COMMD7: variants seen among roughly 807,000 people sequenced by gnomAD.
COMMD7 encodes the protein COMM domain containing 7.
A neutral mutation model predicts 34.8 loss-of-function variants in COMMD7; 28 were observed. That is an observed-to-expected ratio of 0.80 (90% CI 0.60 to 1.10). The LOEUF is 1.10. COMMD7 is among the 50% of genes least tolerant of loss of function. The pLI, the probability that COMMD7 is intolerant of heterozygous loss-of-function variation, is 0.00. For missense variants in COMMD7, 211 were observed against 241.6 expected, an observed-to-expected ratio of 0.87 and a Z score of 0.84; for synonymous variants, 80 against 86.4, an observed-to-expected ratio of 0.93 and a Z score of 0.41.
chr20:32,728,199 C>T, intron 1 of COMMD7, 57 bp from the exon 2 acceptor site: 1 of 1,552,544 alleles, frequency 6.4e-7, no homozygotes. Context: ...GTCAGCATGC[C>T]CCACCCCAGG....
intron 3 of COMMD7, among the ~76,000 whole-genome samples, chr20:32,707,282 T>TA (rs1984147854): frequency 1.3e-5 from 1 of 78,236 alleles, no homozygotes; most frequent in Non-Finnish European, 3.3e-5. Context: ...AGACTCCGTC[T>TA]CAAAAAAAAA....
intron 3 of COMMD7, among the ~76,000 whole-genome samples, chr20:32,707,402 C>T (rs1363615971): frequency 2.0e-5 from 3 of 151,350 alleles, no homozygotes; most frequent in Non-Finnish European, 2.9e-5. Flanking sequence ...TCACTGCAAC[C>T]TACACCTCCT....
intron 1 of COMMD7, among the ~76,000 whole-genome samples, chr20:32,732,708 C>T (rs1318482183): frequency 2.0e-5 from 3 of 151,872 alleles, no homozygotes; most frequent in African/African-American, 4.8e-5. Flanking sequence ...GGGTGGATCA[C>T]GAGGTCATGA....
chr20:32,709,596 C>T (rs1984305085), intron 3 of COMMD7, among the ~76,000 whole-genome samples: 1 of 152,114 alleles, frequency 6.6e-6, no homozygotes, highest in African/African-American at 2.4e-5. Context: ...TCAGGTCAGA[C>T]CATGCTATTT....
At chr20:32,742,018 T>A (rs779231423) in intron 1 of COMMD7, among the ~76,000 whole-genome samples, 11 of 151,960 alleles carry the variant, frequency 7.2e-5, no homozygotes, top group Non-Finnish European at 1.2e-4. Flanking sequence ...TCAAACCCCA[T>A]CTCTACTAAA....
At chr20:32,705,175 C>T (rs997451796) in intron 5 of COMMD7, among the ~76,000 whole-genome samples, 2 of 151,828 alleles carry the variant, frequency 1.3e-5, no homozygotes, top group African/African-American at 2.4e-5. Flanking sequence ...ATCATACTGG[C>T]CCCCACATGG....
Position 32,704,123 on chromosome 20 carries a change from A to G in COMMD7, c.478-52T>C, listed in dbSNP as rs1343387641. The G allele has an allele frequency of 2.8e-6, 4 of 1,412,094 alleles. No homozygotes were observed. The South Asian group carries it at 4.0e-5, about 14-fold the overall frequency. 87.5% of individuals were successfully genotyped at this position (1,412,094 alleles called of 1,614,324 possible). A position where few individuals can be genotyped will look rare whatever the true frequency, so the allele number is the denominator to read the frequency against. On this transcript the variant is annotated intron_variant, in intron 7 of 8. Coordinates refer to ENST00000278980, the MANE Select transcript of COMMD7 (RefSeq NM_053041.3). Reference sequence around the variant, plus strand: ...AATTAAAATGATGACAACTGGGCAAAGAAATTCTTAAAACCCTTTGACTTA... The same window carrying G: ...AATTAAAATGATGACAACTGGGCAAGGAAATTCTTAAAACCCTTTGACTTA...
chr20:32,732,462 A>G (rs1000982929), intron 1 of COMMD7, among the ~76,000 whole-genome samples: 5 of 152,098 alleles, frequency 3.3e-5, no homozygotes, highest in African/African-American at 1.2e-4. Context: ...TCCTTTAGGT[A>G]TGTTCCAAAA....
intron 1 of COMMD7, among the ~76,000 whole-genome samples, chr20:32,741,247 C>A (rs369410448): frequency 6.6e-6 from 1 of 152,004 alleles, no homozygotes; most frequent in Non-Finnish European, 1.5e-5. Context: ...CACTATGCTG[C>A]CCAGGCTGGA....
intron 3 of COMMD7, among the ~76,000 whole-genome samples, chr20:32,709,494 T>A (rs1600968609): frequency 6.6e-6 from 1 of 151,024 alleles, no homozygotes; most frequent in South Asian, 2.1e-4. Context: ...GAGGTTGCCG[T>A]GAGCCGAGAT....
At chr20:32,707,317 C>A in intron 3 of COMMD7, among the ~76,000 whole-genome samples, 1 of 128,936 alleles carries the variant, frequency 7.8e-6, no homozygotes. Context: ...ATACTTATCT[C>A]AAAATATATA....
At chr20:32,704,218 C>G (rs756254173) in intron 7 of COMMD7, 147 bp from the exon 8 acceptor site, 14 of 803,786 alleles carry the variant, frequency 1.7e-5, no homozygotes, top group Non-Finnish European at 2.5e-5. Flanking sequence ...TCTAACAATT[C>G]CCATGATTAC....
rs1170039175 is a variant in COMMD7, at chr20:32,743,243, C to G, written c.84+65G>C. 7 of 899,422 alleles carry G rather than the reference C, an allele frequency of 7.8e-6. 1 individual carries two copies. In the East Asian group the frequency reaches 9.3e-5, roughly 12 times the overall value. The allele number at this position is 899,422 out of a possible 1,614,324, so 55.7% of individuals were successfully genotyped here. On this transcript the variant is annotated intron_variant, in intron 1 of 8. Transcript: ENST00000278980. ...TCCCGCGCACCCCCGGACGTCCCCC[C>G]CACCCCAGGCCCGGATCCTGGAATC...
At chr20:32,737,558 A>G (rs6141795) in intron 1 of COMMD7, among the ~76,000 whole-genome samples, 104,832 of 151,338 alleles carry the variant, frequency 0.69, 36,978 homozygotes, top group Middle Eastern at 0.82. Flanking sequence ...TCTGGGTGTA[A>G]TGGCTCACAC....
chr20:32,736,947 G>A (rs553082440), intron 1 of COMMD7, among the ~76,000 whole-genome samples: 2 of 152,254 alleles, frequency 1.3e-5, no homozygotes, highest in South Asian at 4.1e-4. Flanking sequence ...TTAGGAGGCT[G>A]AGGCAGGTGG....
At chr20:32,721,555 G>A (rs1045179137) in intron 3 of COMMD7, among the ~76,000 whole-genome samples, 1 of 151,480 alleles carries the variant, frequency 6.6e-6, no homozygotes, top group African/African-American at 2.4e-5. Flanking sequence ...GACCAGCCTG[G>A]CCAACATGGC....
rs148642596 is a variant in COMMD7, at chr20:32,721,809, T to C, written c.241+6084A>G. Among the ~76,000 whole-genome samples the C allele has an allele frequency of 3.0e-3, 461 of 152,012 alleles. 2 individuals are homozygous for C. Among genetic ancestry groups the C allele is most frequent in the African/African-American group, 0.011 (450 of 41,482 alleles). On this transcript the variant is annotated intron_variant, in intron 3 of 8. Coordinates refer to ENST00000278980, the MANE Select transcript of COMMD7 (RefSeq NM_053041.3). Reference sequence around the variant, plus strand: ...TACTCGGGAGGCTAAGGCAGGAGAATTGCTTGAATCCGGGAGATGGAGGTT... The same window carrying C: ...TACTCGGGAGGCTAAGGCAGGAGAACTGCTTGAATCCGGGAGATGGAGGTT...
chr20:32,703,765 C>A, intron 8 of COMMD7: 1 of 1,485,888 alleles, frequency 6.7e-7, no homozygotes, highest in Non-Finnish European at 8.9e-7. Context: ...CGTCAACCTT[C>A]TTCTTCAATC....
At chr20:32,742,119 G>A (rs542536978) in intron 1 of COMMD7, among the ~76,000 whole-genome samples, 4 of 152,204 alleles carry the variant, frequency 2.6e-5, no homozygotes, top group South Asian at 2.1e-4. Flanking sequence ...CCTGGGAGGC[G>A]GAGGTTGCAG....
Sources: gnomAD v4.1 joint callset for allele counts (sites outside exome capture counted in the v4.1 genomes callset) on GRCh38, gnomAD v4.1.1 for gene constraint, MANE v1.5 for transcripts, NCBI Gene and HGNC (gene_info 2026-07-23, HGNC 2026-07-21) for gene names.